EMCN: variants seen among roughly 807,000 people sequenced by gnomAD.
EMCN encodes MUC-14.
In EMCN, 37 loss-of-function variants were observed where a neutral mutation model predicts 38.4. That is an observed-to-expected ratio of 0.96 (90% CI 0.74 to 1.27). The LOEUF is 1.27. Among genes scored for constraint, EMCN ranks in the 50% most tolerant of loss-of-function variants. The pLI is 0.00. For synonymous variants in EMCN, 95 were observed against 100.8 expected (o/e 0.94, Z 0.35); for missense variants, 318 against 302.8 (o/e 1.05, Z -0.37).
chr4:100,451,164 A>G (rs935971252), intron 4 of EMCN, among the ~76,000 whole-genome samples: 3 of 151,820 alleles, frequency 2.0e-5, no homozygotes, highest in African/African-American at 7.2e-5. Flanking sequence ...GCTATTGTTT[A>G]TTTATGCCAA....
intron 4 of EMCN, among the ~76,000 whole-genome samples, chr4:100,465,212 A>G (rs1728281213): frequency 6.6e-6 from 1 of 152,080 alleles, no homozygotes; most frequent in Non-Finnish European, 1.5e-5. Context: ...TCTTGCATTA[A>G]TCTTCCTTGT....
At position 100,423,551 on chromosome 4, in the gene EMCN, A is replaced by G. The variant is rs1726958826; in HGVS notation, c.416-147T>C. 1.5e-5 allele frequency: 9 copies of G among 619,804 alleles called. No individual in the cohort carries two copies. In the South Asian group the frequency reaches 1.7e-4, roughly 12 times the overall value. The allele number at this position is 619,804 out of a possible 1,614,324, so 38.4% of individuals were successfully genotyped here. On this transcript the variant is annotated intron_variant, in intron 5 of 11. Transcript: ENST00000296420. ...TAGGATAAATGCAATCATAACACTA[A>G]ACCATAAGTTCATCCATTCCTCCTG...
intron 1 of EMCN, among the ~76,000 whole-genome samples, chr4:100,488,976 A>G (rs1037265946): frequency 1.3e-5 from 2 of 152,222 alleles, no homozygotes; most frequent in Non-Finnish European, 2.9e-5. Context: ...AAACAAGCAC[A>G]TATAACAATA....
At chr4:100,450,450 A>G (rs936974034) in intron 4 of EMCN, among the ~76,000 whole-genome samples, 4 of 152,016 alleles carry the variant, frequency 2.6e-5, no homozygotes, top group African/African-American at 9.6e-5. Flanking sequence ...ATATTGCAGG[A>G]TATTTTGAAC....
At chr4:100,416,414 T>A (rs932330162) in intron 9 of EMCN, among the ~76,000 whole-genome samples, 2 of 152,166 alleles carry the variant, frequency 1.3e-5, no homozygotes, top group Non-Finnish European at 2.9e-5. Flanking sequence ...AGTTCTGAGA[T>A]ACTGTAGTAT....
chr4:100,485,716 T>C (rs996805710), intron 1 of EMCN, among the ~76,000 whole-genome samples: 1 of 152,110 alleles, frequency 6.6e-6, no homozygotes, highest in Non-Finnish European at 1.5e-5. Context: ...TTTTTGATTA[T>C]TAATTTCATA....
chr4:100,473,587 A>C (rs1217010438), intron 3 of EMCN, among the ~76,000 whole-genome samples: 1 of 151,830 alleles, frequency 6.6e-6, no homozygotes. Context: ...AAGAAGTTCA[A>C]GAAGTTTTGC....
At chr4:100,482,059 T>C (rs973552234) in intron 1 of EMCN, among the ~76,000 whole-genome samples, 1 of 152,136 alleles carries the variant, frequency 6.6e-6, no homozygotes, top group Non-Finnish European at 1.5e-5. Flanking sequence ...TATCAAACAT[T>C]ACTTTCAGTC....
chr4:100,491,004 T>A (rs559648968), intron 1 of EMCN, among the ~76,000 whole-genome samples: 1 of 152,314 alleles, frequency 6.6e-6, no homozygotes, highest in Non-Finnish European at 1.5e-5. Context: ...CCATTTCCAG[T>A]TGGGAATTAT....
intron 5 of EMCN, among the ~76,000 whole-genome samples, chr4:100,446,463 T>A (rs1727675600): frequency 6.6e-6 from 1 of 152,194 alleles, no homozygotes. Flanking sequence ...TTACTTAGAA[T>A]ATTTGCTGTG....
chr4:100,413,691 C>T (rs1297774752), intron 10 of EMCN, among the ~76,000 whole-genome samples: 1 of 152,142 alleles, frequency 6.6e-6, no homozygotes, highest in African/African-American at 2.4e-5. Context: ...TGCCTTATCA[C>T]CAAATATTTT....
At chr4:100,467,699 A>AG (rs1390735553) in intron 3 of EMCN, among the ~76,000 whole-genome samples, 17 of 151,846 alleles carry the variant, frequency 1.1e-4, no homozygotes, top group Non-Finnish European at 1.5e-4. Flanking sequence ...AAAAAAAAAA[A>AG]AAGATATGAG....
intron 5 of EMCN, among the ~76,000 whole-genome samples, chr4:100,431,052 T>TG (rs1329233185): frequency 6.6e-6 from 1 of 152,092 alleles, no homozygotes; most frequent in Non-Finnish European, 1.5e-5. Flanking sequence ...CAGCAGCCAA[T>TG]GCCCAAAAAT....
At chr4:100,472,080 G>T (rs971346509) in intron 3 of EMCN, among the ~76,000 whole-genome samples, 5 of 151,812 alleles carry the variant, frequency 3.3e-5, no homozygotes, top group Admixed American at 6.6e-5. Context: ...GCTAGCCAGG[G>T]TAGTTAAGCA....
intron 11 of EMCN, among the ~76,000 whole-genome samples, chr4:100,402,121 T>C (rs890654760): frequency 1.3e-5 from 2 of 152,144 alleles, no homozygotes; most frequent in African/African-American, 4.8e-5. Flanking sequence ...TCTACGTATT[T>C]GCTACCCCTC....
chr4:100,494,035 C>T (rs1262819843), intron 1 of EMCN, among the ~76,000 whole-genome samples: 2 of 152,180 alleles, frequency 1.3e-5, no homozygotes, highest in African/African-American at 4.8e-5. Context: ...CATATCTTTT[C>T]CTTTTCCAAA....
intron 4 of EMCN, among the ~76,000 whole-genome samples, chr4:100,450,387 C>G (rs531555264): frequency 6.6e-6 from 1 of 152,030 alleles, no homozygotes; most frequent in South Asian, 2.1e-4. Context: ...AATCAGAAAT[C>G]TTGAACAGCA....
At chr4:100,424,397 A>G (rs896137793) in intron 5 of EMCN, among the ~76,000 whole-genome samples, 4 of 152,048 alleles carry the variant, frequency 2.6e-5, no homozygotes, top group Non-Finnish European at 4.4e-5. Flanking sequence ...TACAGGGGGT[A>G]TGCAGTCAAA....
chr4:100,469,213 C>T (rs12500139), intron 3 of EMCN, among the ~76,000 whole-genome samples: 19,173 of 152,012 alleles, frequency 0.13, 2,256 homozygotes, highest in East Asian at 0.58. Flanking sequence ...CCTTATTTGA[C>T]ACAACACACA....
Sources: allele counts gnomAD v4.1 joint callset (sites outside exome capture counted in the v4.1 genomes callset), GRCh38; gene constraint gnomAD v4.1.1; transcripts MANE v1.5; gene names NCBI Gene and HGNC (gene_info 2026-07-23, HGNC 2026-07-21).